Variants in ADGRB1 observed in about 807,000 individuals in gnomAD.
ADGRB1 encodes the protein brain-specific angiogenesis inhibitor 1.
A neutral mutation model predicts 175.7 loss-of-function variants in ADGRB1; 36 were observed. The observed-to-expected ratio is 0.20, with a 90% CI of 0.16 to 0.27. The LOEUF (loss-of-function observed/expected upper bound fraction) is 0.27. Ranked by LOEUF, ADGRB1 falls within the 10% of genes least tolerant of loss-of-function variation. The pLI is 1.00. For synonymous variants in ADGRB1, 1,054 were observed against 979.4 expected, an observed-to-expected ratio of 1.08 and a Z score of -1.42; for missense variants, 1,731 against 2,255.3, an observed-to-expected ratio of 0.77 and a Z score of 4.71.
rs1236123107 is a variant in ADGRB1, at chr8:142,510,893, G to C, written c.2676-39G>C. On this transcript the variant is annotated intron_variant, in intron 17 of 30. Transcript: ENST00000517894. The surrounding 1 kb of genome is among the most constrained non-coding windows in gnomAD (Gnocchi z 6.3). ...CGCCCGCGTCCCCGCCGCCGCTGAC[G>C]CTCCGCCTGTCTCCCTCCCGTGTCC... The C allele has an allele frequency of 5.8e-6, 6 of 1,035,902 alleles. No homozygotes were observed. Among genetic ancestry groups the C allele is most frequent in the Non-Finnish European group, 7.0e-6 (6 of 859,740 alleles). 64.2% of individuals were successfully genotyped at this position (1,035,902 alleles called of 1,614,324 possible).
chr8:142,521,383 C>T (rs1410275336), intron 20 of ADGRB1, among the ~76,000 whole-genome samples: 1 of 152,194 alleles, frequency 6.6e-6, no homozygotes, highest in Non-Finnish European at 1.5e-5. Context: ...ACCCCCTATC[C>T]CTGGTTCCTA....
intron 17 of ADGRB1, among the ~76,000 whole-genome samples, chr8:142,500,138 C>T (rs550976712): frequency 1.4e-4 from 21 of 152,136 alleles, no homozygotes; most frequent in African/African-American, 3.9e-4. Context: ...CCATGGCTGC[C>T]GTCCGGCGCT....
intron 13 of ADGRB1, among the ~76,000 whole-genome samples, chr8:142,486,953 G>A (rs1184570519): frequency 6.6e-6 from 1 of 152,172 alleles, no homozygotes; most frequent in Admixed American, 6.5e-5. Flanking sequence ...CCAGGAGGTC[G>A]AGGCTGCAGT....
At chr8:142,533,560 T>C in intron 25 of ADGRB1, 94 bp downstream of exon 25, 1 of 1,403,544 alleles carries the variant, frequency 7.1e-7, no homozygotes, top group Admixed American at 2.2e-5. Flanking sequence ...GCAGGGAGAT[T>C]GTGGGTAGGC....
At chr8:142,540,227 G>A (rs929763607) in intron 27 of ADGRB1, among the ~76,000 whole-genome samples, 16 of 152,364 alleles carry the variant, frequency 1.1e-4, no homozygotes, top group Middle Eastern at 3.4e-3. Flanking sequence ...TGGGGAGTGT[G>A]TGCTGGTGCC....
At chr8:142,517,160 A>T (rs1247902226) in intron 18 of ADGRB1, among the ~76,000 whole-genome samples, 3 of 152,168 alleles carry the variant, frequency 2.0e-5, no homozygotes, top group South Asian at 4.1e-4. Context: ...TCTTGTCAGG[A>T]AAGGGAGGCT....
chr8:142,450,761 G>A (rs946261297), intron 1 of ADGRB1, among the ~76,000 whole-genome samples: 1 of 152,112 alleles, frequency 6.6e-6, no homozygotes, highest in Admixed American at 6.5e-5. Flanking sequence ...CTCCCTGGAG[G>A]TACTCTCCCC....
At chr8:142,485,557 AG>A (rs1319331212) in intron 13 of ADGRB1, among the ~76,000 whole-genome samples, 1 of 152,186 alleles carries the variant, frequency 6.6e-6, no homozygotes, top group Non-Finnish European at 1.5e-5. Flanking sequence ...AGCACCAAGG[AG>A]GGAGAGTGTC....
At chr8:142,528,660 C>T (rs1046748471) in intron 24 of ADGRB1, among the ~76,000 whole-genome samples, 1 of 152,192 alleles carries the variant, frequency 6.6e-6, no homozygotes, top group Non-Finnish European at 1.5e-5. Context: ...GCCTCCGCTG[C>T]CACCTCCCTC....
intron 24 of ADGRB1, among the ~76,000 whole-genome samples, chr8:142,530,249 C>T (rs1363402917): frequency 6.6e-6 from 1 of 151,966 alleles, no homozygotes; most frequent in Non-Finnish European, 1.5e-5. Context: ...TGTGTGTACG[C>T]ATGTGTGCCT....
rs755924112 is a variant in ADGRB1 at position 142,537,038 on chromosome 8, G to C, written c.3622G>C (p.Gly1208Arg). The change falls in exon 26 of 31, where the codon GGG becomes CGG. Residue 1208 changes from glycine (G) to arginine (R), a missense_variant. Around this residue, in one of 8 missense-constraint regions of ADGRB1, gnomAD observed 301 missense variants for 488.4 expected, o/e 0.62. Coordinates refer to ENST00000517894, the MANE Select transcript of ADGRB1 (RefSeq NM_001702.3). This position sits in a 1 kb window ranked among gnomAD's most constrained non-coding sequence, Gnocchi z 4.6. ...GGTTGACCGGCAGGAGGAGGGCAAC[G>C]GGGACTCAGGGGGCTCCTTCCAGAA... ...RVVDRQEEGN[G>R]DSGGSFQNGH... 13 of 1,585,620 alleles carry C rather than the reference G, an allele frequency of 8.2e-6. No homozygotes were observed. The highest frequency in any genetic ancestry group is 1.1e-5 in the Non-Finnish European group (13 of 1,166,484).
intron 1 of ADGRB1, among the ~76,000 whole-genome samples, chr8:142,462,144 G>A (rs1460012637): frequency 1.3e-5 from 2 of 152,158 alleles, no homozygotes; most frequent in Non-Finnish European, 2.9e-5. Context: ...GGTCTGCCAC[G>A]AATGCGCCAG....
chr8:142,470,250 T>G (rs1291694275), intron 2 of ADGRB1, among the ~76,000 whole-genome samples: 1 of 152,222 alleles, frequency 6.6e-6, no homozygotes, highest in Non-Finnish European at 1.5e-5. Context: ...CCTTTGCATT[T>G]TTCCGCCTAG....
intron 23 of ADGRB1, among the ~76,000 whole-genome samples, chr8:142,525,552 C>G (rs541127310): frequency 5.9e-5 from 9 of 152,288 alleles, no homozygotes; most frequent in African/African-American, 1.9e-4. Context: ...GAAAAGTAGG[C>G]TGCCCAGGAA....
Position 142,543,557 on chromosome 8 carries a change from CCCT to C in ADGRB1, c.4450-37_4450-35del, listed in dbSNP as rs1845412657. The C allele has an allele frequency of 2.5e-6, 4 of 1,575,652 alleles. No individual in the cohort carries two copies. The highest frequency in any genetic ancestry group is 1.4e-5 in the African/African-American group (1 of 73,774). ...GGCGGGGCAGGCAGGATGGGCCATG[CCCT>C]CCTCCTGGCCCAGGACTCACTGCCC... On this transcript the variant is annotated intron_variant, in intron 29 of 30. Transcript: ENST00000517894. The surrounding 1 kb of genome is among the most constrained non-coding windows in gnomAD (Gnocchi z 4.4).
At chr8:142,471,074 G>A (rs1318202887) in intron 2 of ADGRB1, among the ~76,000 whole-genome samples, 5 of 152,154 alleles carry the variant, frequency 3.3e-5, no homozygotes, top group Admixed American at 3.3e-4. Context: ...TTGGGAAGGT[G>A]CCAAGGTCTC....
At chr8:142,522,927 G>C (rs1843935847) in intron 22 of ADGRB1, among the ~76,000 whole-genome samples, 1 of 152,256 alleles carries the variant, frequency 6.6e-6, no homozygotes, top group Non-Finnish European at 1.5e-5. Context: ...CGAGCAGTGG[G>C]CAGCAGTATT....
chr8:142,466,130 TTGAGTTTGCAA>T (rs1194710601), intron 2 of ADGRB1, among the ~76,000 whole-genome samples: 1 of 152,100 alleles, frequency 6.6e-6, no homozygotes, highest in Non-Finnish European at 1.5e-5. Context: ...TTGGAGGGGT[TTGAGTTTGCAA>T]TGCCAGGCAG....
rs1335929984 is a variant in ADGRB1, at chr8:142,455,506, G to A, written c.-220+5402G>A. On this transcript the variant is annotated intron_variant, in intron 1 of 30. Transcript: ENST00000517894. The surrounding 1 kb of genome is among the most constrained non-coding windows in gnomAD (Gnocchi z 4.9). ...TGGGAGAGGAGCATGCGGCAGGCTG[G>A]TCCCCTGCAGCCCACCAGGCAACTG... 1.3e-5 allele frequency among the ~76,000 whole-genome samples: 2 copies of A among 152,160 alleles called. No homozygotes were observed. Among genetic ancestry groups the A allele is most frequent in the African/African-American group, 4.8e-5 (2 of 41,440 alleles).
Sources: allele counts gnomAD v4.1 joint callset (sites outside exome capture counted in the v4.1 genomes callset), GRCh38; gene constraint gnomAD v4.1.1; regional missense constraint gnomAD v4.1.1; non-coding constraint Gnocchi (gnomAD v3.1); transcripts MANE v1.5; gene names NCBI Gene and HGNC (gene_info 2026-07-23, HGNC 2026-07-21).